The following CNTN6 variants were observed in gnomAD, a reference collection of about 807,000 sequenced individuals.
CNTN6 encodes contactin 6, also known as contactin-6.
A neutral mutation model predicts 122.8 loss-of-function variants in CNTN6; 137 were observed. The ratio of observed to expected loss-of-function variants is 1.12; its 90% CI spans 0.97 to 1.29. The LOEUF (loss-of-function observed/expected upper bound fraction) is 1.29, where lower values mean the gene tolerates loss of function less well. Among genes scored for constraint, CNTN6 ranks in the 50% most tolerant of loss-of-function variants. The pLI, the probability that CNTN6 is intolerant of heterozygous loss-of-function variation, is 0.00. For synonymous variants in CNTN6, 570 were observed against 426.0 expected (o/e 1.34, Z -4.16); for missense variants, 1,634 against 1,223.4 (o/e 1.34, Z -5.01).
intron 3 of CNTN6, among the ~76,000 whole-genome samples, chr3:1,225,630 C>A (rs2094271324): frequency 6.6e-6 from 1 of 151,308 alleles, no homozygotes; most frequent in Admixed American, 6.6e-5. Flanking sequence ...TATTAGAGTG[C>A]TGGCAAGGAG....
chr3:1,369,772 T>A (rs1203405213), intron 12 of CNTN6, among the ~76,000 whole-genome samples: 3 of 151,710 alleles, frequency 2.0e-5, no homozygotes, highest in African/African-American at 7.3e-5. Flanking sequence ...CATTTGTGAT[T>A]TTTTTTTTCA....
At chr3:1,385,909 T>C in intron 20 of CNTN6, 112 bp downstream of exon 20, 1 of 1,051,732 alleles carries the variant, frequency 9.5e-7, no homozygotes, top group Non-Finnish European at 1.4e-6. Flanking sequence ...TTGGTTACTT[T>C]GGTTAGTTGG....
At chr3:1,357,796 ATT>A (rs1463028932) in intron 12 of CNTN6, among the ~76,000 whole-genome samples, 1 of 151,862 alleles carries the variant, frequency 6.6e-6, no homozygotes, top group Non-Finnish European at 1.5e-5. Flanking sequence ...GTAAAAATTC[ATT>A]TGAGTGCAAT....
chr3:1,350,738 G>C (rs1458578708), intron 11 of CNTN6, among the ~76,000 whole-genome samples: 1 of 151,760 alleles, frequency 6.6e-6, no homozygotes, highest in Non-Finnish European at 1.5e-5. Context: ...GATATCAGCA[G>C]ACCTATCATT....
At chr3:1,310,782 G>A (rs990854259) in intron 7 of CNTN6, among the ~76,000 whole-genome samples, 10 of 152,068 alleles carry the variant, frequency 6.6e-5, no homozygotes, top group Non-Finnish European at 1.3e-4. Flanking sequence ...CGGGCAGATC[G>A]CCTGAGGTCA....
chr3:1,337,461 C>T (rs1485068884), intron 11 of CNTN6, among the ~76,000 whole-genome samples: 1 of 152,122 alleles, frequency 6.6e-6, no homozygotes, highest in Middle Eastern at 3.2e-3. Flanking sequence ...CAACATTAAC[C>T]ATTATATAGC....
intron 2 of CNTN6, among the ~76,000 whole-genome samples, chr3:1,164,313 G>C (rs1338796078): frequency 6.6e-6 from 1 of 152,256 alleles, no homozygotes; most frequent in African/African-American, 2.4e-5. Context: ...TTCCTTGCAA[G>C]ATCTGACTTG....
At chr3:1,259,878 A>T (rs752841064) in intron 4 of CNTN6, among the ~76,000 whole-genome samples, 8 of 152,156 alleles carry the variant, frequency 5.3e-5, no homozygotes, top group Non-Finnish European at 1.0e-4. Context: ...CATACATACA[A>T]ACACACAATA....
intron 1 of CNTN6, among the ~76,000 whole-genome samples, chr3:1,114,556 G>A (rs2091628767): frequency 3.3e-5 from 5 of 151,706 alleles, no homozygotes; most frequent in Admixed American, 3.3e-4. Flanking sequence ...GGGGATCACA[G>A]GTCAATAGGA....
intron 2 of CNTN6, among the ~76,000 whole-genome samples, chr3:1,181,099 C>T (rs1046680494): frequency 2.6e-5 from 4 of 152,096 alleles, no homozygotes; most frequent in Non-Finnish European, 5.9e-5. Context: ...ACAGTCCCTG[C>T]CTAGTGTATG....
chr3:1,108,200 A>G (rs1450801105), intron 1 of CNTN6, among the ~76,000 whole-genome samples: 1 of 152,076 alleles, frequency 6.6e-6, no homozygotes. Flanking sequence ...TATCAAACTC[A>G]TGGTATTAGA....
chr3:1,364,742 C>A (rs1340978037), intron 12 of CNTN6, among the ~76,000 whole-genome samples: 2 of 151,760 alleles, frequency 1.3e-5, no homozygotes, highest in Non-Finnish European at 2.9e-5. Context: ...CTGCTGGGGT[C>A]CCCGTAACTA....
intron 7 of CNTN6, among the ~76,000 whole-genome samples, chr3:1,308,857 G>C (rs1410509794): frequency 6.6e-6 from 1 of 151,990 alleles, no homozygotes. Flanking sequence ...TTTCCTTGTT[G>C]TTTTAATTGG....
intron 2 of CNTN6, among the ~76,000 whole-genome samples, chr3:1,182,550 CATTCTGT>C (rs2093570276): frequency 6.6e-6 from 1 of 151,322 alleles, no homozygotes; most frequent in Non-Finnish European, 1.5e-5. Context: ...CATTAATCGG[CATTCTGT>C]ATTAAGAAAA....
intron 5 of CNTN6, among the ~76,000 whole-genome samples, chr3:1,288,304 G>A (rs765757890): frequency 7.1e-5 from 10 of 140,266 alleles, no homozygotes; most frequent in East Asian, 4.4e-4. Flanking sequence ...ATTGTGGAAC[G>A]AATGGGAATT....
chr3:1,321,418 C>T (rs936354571), intron 7 of CNTN6, among the ~76,000 whole-genome samples: 2 of 151,718 alleles, frequency 1.3e-5, no homozygotes, highest in East Asian at 3.9e-4. Context: ...TTATTCACCA[C>T]TATTTTCCCT....
intron 2 of CNTN6, among the ~76,000 whole-genome samples, chr3:1,159,550 T>C (rs1374600542): frequency 6.6e-6 from 1 of 152,098 alleles, no homozygotes; most frequent in Non-Finnish European, 1.5e-5. Context: ...AAACTGTGGA[T>C]AAGGCGGGAC....
chr3:1,261,476 CT>C (rs1442113551), intron 4 of CNTN6, among the ~76,000 whole-genome samples: 1 of 152,094 alleles, frequency 6.6e-6, no homozygotes, highest in Non-Finnish European at 1.5e-5. Flanking sequence ...TACTCATTAC[CT>C]TCTGTACCTC....
In CNTN6 at chr3:1,383,128, G is replaced by A; in HGVS notation, c.2353G>A (p.Gly785Arg). The A allele has an allele frequency of 6.2e-7, 1 of 1,614,064 alleles. No individual in the cohort carries two copies. The highest frequency in any genetic ancestry group is 8.5e-7 in the Non-Finnish European group (1 of 1,179,956). The stretch of plus-strand genomic sequence containing the variant: ...CAAAGTGGGTGTGTATAATAATGAA[G>A]GAGAAGGATCCCTGAGTACTGTGAC... ...EVKVGVYNNE[G>R]EGSLSTVTIV... Residue 785 changes from glycine to arginine, a missense_variant, in exon 18 of 23, where the codon GGA becomes AGA. By Grantham distance (125) the Gly-to-Arg change is moderately radical (BLOSUM62 -2). Transcript: ENST00000446702.
Sources: allele counts gnomAD v4.1 joint callset (sites outside exome capture counted in the v4.1 genomes callset), GRCh38; gene constraint gnomAD v4.1.1; transcripts MANE v1.5; gene names NCBI Gene and HGNC (gene_info 2026-07-23, HGNC 2026-07-21).